TAS2R1: variants seen among roughly 807,000 people sequenced by gnomAD.
TAS2R1 encodes taste 2 receptor member 1.
For missense variants in TAS2R1, 370 were observed against 353.4 expected, an observed-to-expected ratio of 1.05 and a Z score of -0.38; for synonymous variants, 141 against 134.2, an observed-to-expected ratio of 1.05 and a Z score of -0.35.
chr5:9,704,622 A>G (rs1293363616), intron 1 of TAS2R1, among the ~76,000 whole-genome samples: 1 of 152,232 alleles, frequency 6.6e-6, no homozygotes, highest in African/African-American at 2.4e-5. Context: ...GACATGAAAA[A>G]TTAGTTCACA....
chr5:9,813,940 T>C, the TAS2R1 span, among the ~76,000 whole-genome samples: 23 of 152,314 alleles, frequency 1.5e-4, no homozygotes, highest in African/African-American at 5.5e-4. Context: ...AGATTTTTCC[T>C]TCATATTCCT....
the TAS2R1 span, among the ~76,000 whole-genome samples, chr5:9,758,643 C>T: frequency 2.0e-5 from 3 of 152,006 alleles, no homozygotes; most frequent in East Asian, 1.9e-4. Flanking sequence ...AATTAGTATC[C>T]GTGTGAGCAA....
chr5:9,849,330 T>A, the TAS2R1 span, among the ~76,000 whole-genome samples: 2 of 152,242 alleles, frequency 1.3e-5, no homozygotes, highest in African/African-American at 4.8e-5. Context: ...CAACAACACA[T>A]GTTCACACAC....
chr5:9,791,847 G>A, the TAS2R1 span, among the ~76,000 whole-genome samples: 15 of 152,284 alleles, frequency 9.9e-5, no homozygotes, highest in African/African-American at 2.6e-4. Context: ...TGTAGAGGAC[G>A]CATGCAGATA....
the TAS2R1 span, among the ~76,000 whole-genome samples, chr5:9,867,678 C>T: frequency 5.9e-5 from 9 of 152,232 alleles, no homozygotes; most frequent in East Asian, 9.7e-4. Context: ...CCTCACATTT[C>T]GAAACCAATC....
intron 1 of TAS2R1, among the ~76,000 whole-genome samples, chr5:9,686,483 A>T (rs1236680559): frequency 6.6e-6 from 1 of 152,168 alleles, no homozygotes; most frequent in African/African-American, 2.4e-5. Context: ...TTTCCCTGGG[A>T]CTTTGCTCTG....
chr5:9,898,359 AT>A, the TAS2R1 span, among the ~76,000 whole-genome samples: 1 of 152,116 alleles, frequency 6.6e-6, no homozygotes, highest in Admixed American at 6.5e-5. Context: ...AAGCCTCCTC[AT>A]CTCCTGGCTC....
At chr5:9,767,272 C>T in the TAS2R1 span, among the ~76,000 whole-genome samples, 29 of 152,060 alleles carry the variant, frequency 1.9e-4, no homozygotes, top group Middle Eastern at 3.4e-3. Flanking sequence ...TCTCTCTCTA[C>T]GTCGGTGCTC....
At chr5:9,754,150 C>CA in the TAS2R1 span, among the ~76,000 whole-genome samples, 3 of 152,174 alleles carry the variant, frequency 2.0e-5, no homozygotes. Context: ...GAACCAAAAA[C>CA]AAAAACCATA....
intron 1 of TAS2R1, among the ~76,000 whole-genome samples, chr5:9,691,995 A>G (rs1741256340): frequency 6.6e-6 from 1 of 152,128 alleles, no homozygotes; most frequent in Non-Finnish European, 1.5e-5. Flanking sequence ...CAGGGTTTGG[A>G]GTCCATGGAG....
At chr5:9,901,129 AGG>A in the TAS2R1 span, among the ~76,000 whole-genome samples, 1 of 152,004 alleles carries the variant, frequency 6.6e-6, no homozygotes, top group South Asian at 2.1e-4. Context: ...ACCACAGAGA[AGG>A]GTAGGCATCT....
intron 1 of TAS2R1, among the ~76,000 whole-genome samples, chr5:9,677,449 TAA>T (rs35909122): frequency 6.7e-6 from 1 of 148,898 alleles, no homozygotes; most frequent in East Asian, 2.0e-4. Flanking sequence ...AAGACAGAAT[TAA>T]AAAAAAAAAA....
At chr5:9,845,165 G>T in the TAS2R1 span, among the ~76,000 whole-genome samples, 1 of 152,040 alleles carries the variant, frequency 6.6e-6, no homozygotes, top group African/African-American at 2.4e-5. Flanking sequence ...CTCATGATGG[G>T]TTTAGTGCCC....
chr5:9,868,525 C>T, the TAS2R1 span, among the ~76,000 whole-genome samples: 1 of 152,182 alleles, frequency 6.6e-6, no homozygotes, highest in African/African-American at 2.4e-5. Context: ...GCAGGGGGGC[C>T]CTGGGCCTGG....
chr5:9,661,796 A>G (rs1036091231), intron 1 of TAS2R1, among the ~76,000 whole-genome samples: 1 of 152,218 alleles, frequency 6.6e-6, no homozygotes, highest in Non-Finnish European at 1.5e-5. Flanking sequence ...ATATACACAG[A>G]TTTATACTAC....
the TAS2R1 span, among the ~76,000 whole-genome samples, chr5:9,813,641 A>G: frequency 6.6e-6 from 1 of 152,356 alleles, no homozygotes; most frequent in Non-Finnish European, 1.5e-5. Context: ...TTGTTACAGT[A>G]TAGATTCCTT....
chr5:9,677,865 CAT>C (rs1342317500), intron 1 of TAS2R1, among the ~76,000 whole-genome samples: 1 of 152,144 alleles, frequency 6.6e-6, no homozygotes, highest in Non-Finnish European at 1.5e-5. Flanking sequence ...CAAGAGCACA[CAT>C]GTGAATGTTT....
chr5:9,640,518 A>AAAC (rs1554052293), intron 2 of TAS2R1, among the ~76,000 whole-genome samples: 10 of 148,290 alleles, frequency 6.7e-5, no homozygotes, highest in Admixed American at 6.7e-4. Context: ...AAAAAAAAAA[A>AAAC]AAAACAGTAC....
chr5:9,724,475 T>C, the TAS2R1 span, among the ~76,000 whole-genome samples: 2 of 152,180 alleles, frequency 1.3e-5, no homozygotes, highest in Non-Finnish European at 2.9e-5. Context: ...CCAACTGTTA[T>C]TTCCAAGACA....
Sources: gnomAD v4.1 joint callset for allele counts (sites outside exome capture counted in the v4.1 genomes callset) on GRCh38, gnomAD v4.1.1 for gene constraint, MANE v1.5 for transcripts, NCBI Gene and HGNC (gene_info 2026-07-23, HGNC 2026-07-21) for gene names.